HMBOX1: variants seen among roughly 807,000 people sequenced by gnomAD.
The protein encoded by HMBOX1 is homeobox containing 1.
A neutral mutation model predicts 54.5 loss-of-function variants in HMBOX1; 14 were observed. The observed-to-expected ratio is 0.26, with a 90% CI of 0.17 to 0.40. The LOEUF is 0.40. Among genes scored for constraint, HMBOX1 ranks in the 10% least tolerant of loss-of-function variants. The pLI is 1.00. For synonymous variants in HMBOX1, 160 were observed against 181.0 expected (o/e 0.88, Z 0.93); for missense variants, 332 against 514.4 (o/e 0.65, Z 3.43).
intron 1 of HMBOX1, among the ~76,000 whole-genome samples, chr8:28,959,759 T>A (rs1161145772): frequency 1.3e-5 from 2 of 152,202 alleles, no homozygotes; most frequent in Non-Finnish European, 2.9e-5. Flanking sequence ...ATAGATTAAG[T>A]CTGCTGAGAA....
intron 1 of HMBOX1, among the ~76,000 whole-genome samples, chr8:28,911,758 A>G (rs865957952): frequency 4.6e-5 from 7 of 152,066 alleles, no homozygotes; most frequent in South Asian, 2.1e-4. Flanking sequence ...GCACTACACC[A>G]TTTTACATAA....
At position 28,960,753 on chromosome 8, in the gene HMBOX1, C is replaced by CT. The variant is rs1023356056; in HGVS notation, c.-57-3053dup. Among the ~76,000 whole-genome samples the CT allele has an allele frequency of 5.0e-4, 33 of 65,580 alleles. 1 individual carries two copies. Among genetic ancestry groups the CT allele is most frequent in the Non-Finnish European group, 7.0e-4 (24 of 34,138 alleles). 43.0% of individuals were successfully genotyped at this position (65,580 alleles called of 152,430 possible). On this transcript the variant is annotated intron_variant, in intron 1 of 9. Coordinates refer to ENST00000287701, the MANE Select transcript of HMBOX1 (RefSeq NM_001135726.3). ...ATAATTGTAAACTTATTCTCTTTTT[C>CT]TTTTTCTTTTTCTTTTTTTTTTTTT...
chr8:28,904,943 G>C (rs1031166357), intron 1 of HMBOX1, among the ~76,000 whole-genome samples: 2 of 151,982 alleles, frequency 1.3e-5, no homozygotes, highest in East Asian at 3.9e-4. Flanking sequence ...CCAAAGTGCT[G>C]GGATTACAGG....
At chr8:28,939,716 G>T (rs1048134033) in intron 1 of HMBOX1, among the ~76,000 whole-genome samples, 5 of 151,910 alleles carry the variant, frequency 3.3e-5, no homozygotes, top group Admixed American at 1.3e-4. Flanking sequence ...CACTATGTTG[G>T]CCAGGCTGGT....
At chr8:28,890,784 G>C (rs530744094) in intron 1 of HMBOX1, 106 bp downstream of exon 1, 2 of 152,696 alleles carry the variant, frequency 1.3e-5, no homozygotes, top group South Asian at 2.1e-4. Context: ...GGAAGTGAGC[G>C]GACGCTGGGG....
chr8:28,950,325 G>C (rs970329214), intron 1 of HMBOX1, among the ~76,000 whole-genome samples: 9 of 152,172 alleles, frequency 5.9e-5, no homozygotes, highest in Non-Finnish European at 1.3e-4. Context: ...AGACTTACAT[G>C]TGATTCTGAT....
intron 1 of HMBOX1, among the ~76,000 whole-genome samples, chr8:28,922,458 T>G (rs2131805469): frequency 6.6e-6 from 1 of 152,322 alleles, no homozygotes; most frequent in South Asian, 2.1e-4. Context: ...GAATTCTACT[T>G]TTTAAAGTAC....
At chr8:28,894,235 G>C (rs1811603131) in intron 1 of HMBOX1, among the ~76,000 whole-genome samples, 1 of 152,074 alleles carries the variant, frequency 6.6e-6, no homozygotes, top group Admixed American at 6.6e-5. Flanking sequence ...GAAAAGCATG[G>C]CTTGTCTAGA....
chr8:28,902,434 G>T (rs1813404122), intron 1 of HMBOX1, among the ~76,000 whole-genome samples: 1 of 152,124 alleles, frequency 6.6e-6, no homozygotes, highest in South Asian at 2.1e-4. Context: ...TCATAGTTTG[G>T]TTTTGATAGG....
intron 6 of HMBOX1, among the ~76,000 whole-genome samples, chr8:29,030,069 A>C (rs928282420): frequency 1.2e-4 from 18 of 151,708 alleles, no homozygotes; most frequent in Non-Finnish European, 1.9e-4. Context: ...ACTTCTTTTA[A>C]GCACACCCTC....
intron 1 of HMBOX1, among the ~76,000 whole-genome samples, chr8:28,934,028 G>A (rs902640479): frequency 1.3e-5 from 2 of 152,194 alleles, no homozygotes; most frequent in African/African-American, 4.8e-5. Flanking sequence ...CTGTAGGCCA[G>A]TGTCCCTTAG....
chr8:28,903,875 A>G (rs1360304229), intron 1 of HMBOX1, among the ~76,000 whole-genome samples: 1 of 152,216 alleles, frequency 6.6e-6, no homozygotes, highest in African/African-American at 2.4e-5. Context: ...CTCCAGGGAC[A>G]TTTTGCAACA....
intron 4 of HMBOX1, among the ~76,000 whole-genome samples, chr8:28,984,535 A>G (rs1829895372): frequency 2.0e-5 from 3 of 152,342 alleles, no homozygotes; most frequent in African/African-American, 7.2e-5. Context: ...ATGACAGTAT[A>G]AACAGGATAT....
At chr8:28,983,868 A>G (rs1829787513) in intron 4 of HMBOX1, among the ~76,000 whole-genome samples, 1 of 152,098 alleles carries the variant, frequency 6.6e-6, no homozygotes, top group South Asian at 2.1e-4. Context: ...GGGAATGAGG[A>G]TGATTGATAA....
At chr8:29,001,701 G>A (rs150130866) in intron 4 of HMBOX1, among the ~76,000 whole-genome samples, 125 of 151,984 alleles carry the variant, frequency 8.2e-4, no homozygotes, top group African/African-American at 2.5e-3. Flanking sequence ...TATCACATGC[G>A]TCTGTATATT....
chr8:29,039,628 A>AT (rs1476168708), intron 6 of HMBOX1, among the ~76,000 whole-genome samples: 4 of 152,066 alleles, frequency 2.6e-5, no homozygotes, highest in Non-Finnish European at 4.4e-5. Context: ...TGCCAAGCAT[A>AT]TTTTTTTGGG....
intron 1 of HMBOX1, among the ~76,000 whole-genome samples, chr8:28,953,792 A>C (rs1302994156): frequency 6.6e-6 from 1 of 152,192 alleles, no homozygotes; most frequent in Non-Finnish European, 1.5e-5. Context: ...AAGCTGGGTG[A>C]TAGGTATATA....
In HMBOX1 at chr8:29,051,257, T is replaced by C; in HGVS notation, c.*102T>C. On this transcript the variant is annotated 3_prime_UTR_variant, in exon 10 of 10. Coordinates refer to ENST00000287701, the MANE Select transcript of HMBOX1 (RefSeq NM_001135726.3). Reference sequence around the variant, plus strand: ...TGTTCTTACAGTATAACTTGCAGTTTCTTGTATGTCAGGTAGCTGTTAGGG... The same window carrying C: ...TGTTCTTACAGTATAACTTGCAGTTCCTTGTATGTCAGGTAGCTGTTAGGG... 1 of 1,301,780 alleles carries C rather than the reference T, an allele frequency of 7.7e-7. No individual in the cohort carries two copies. Among genetic ancestry groups the C allele is most frequent in the Non-Finnish European group, 1.1e-6 (1 of 933,462 alleles). 80.6% of individuals were successfully genotyped at this position (1,301,780 alleles called of 1,614,324 possible).
chr8:28,895,512 T>A (rs1211210323), intron 1 of HMBOX1, among the ~76,000 whole-genome samples: 1 of 152,042 alleles, frequency 6.6e-6, no homozygotes, highest in African/African-American at 2.4e-5. Context: ...TTGTCTCTAC[T>A]GAAAAGACAA....
Sources: allele counts gnomAD v4.1 joint callset (sites outside exome capture counted in the v4.1 genomes callset), GRCh38; gene constraint gnomAD v4.1.1; transcripts MANE v1.5; gene names NCBI Gene and HGNC (gene_info 2026-07-23, HGNC 2026-07-21).